Variants in KATNAL2 observed in about 807,000 individuals in gnomAD.
KATNAL2 encodes katanin catalytic subunit A1 like 2, also known as katanin p60 ATPase-containing subunit A-like 2.
In KATNAL2, 52 loss-of-function variants were observed where a neutral mutation model predicts 76.3. The observed-to-expected ratio is 0.68, with a 90% CI of 0.55 to 0.86. The LOEUF (loss-of-function observed/expected upper bound fraction) is 0.86. Among genes scored for constraint, KATNAL2 ranks in the 40% least tolerant of loss-of-function variants. The pLI is 0.00. For missense variants in KATNAL2, 660 were observed against 668.9 expected, an observed-to-expected ratio of 0.99 and a Z score of 0.15; for synonymous variants, 243 against 244.2, an observed-to-expected ratio of 1.00 and a Z score of 0.05.
At chr18:46,947,020 G>T in intron 3 of KATNAL2, 97 bp downstream of exon 3, 1 of 886,260 alleles carries the variant, frequency 1.1e-6, no homozygotes, top group Non-Finnish European at 1.8e-6. Context: ...TGGCGACAGA[G>T]TCCGCTACTA....
chr18:47,061,035 TA>T (rs1390222671), intron 8 of KATNAL2, among the ~76,000 whole-genome samples: 1 of 152,200 alleles, frequency 6.6e-6, no homozygotes, highest in East Asian at 1.9e-4. Flanking sequence ...TAAATCCTCT[TA>T]CCAGCAGAAA....
chr18:47,032,813 C>G (rs568463304), intron 3 of KATNAL2: 2 of 1,015,910 alleles, frequency 2.0e-6, no homozygotes, highest in East Asian at 5.2e-5. Flanking sequence ...GTTCTCCAAG[C>G]TGGGAGGTAG....
chr18:47,083,943 G>A (rs1351025645), intron 15 of KATNAL2, among the ~76,000 whole-genome samples: 2 of 152,224 alleles, frequency 1.3e-5, no homozygotes, highest in Admixed American at 1.3e-4. Context: ...CTTGCTGTTT[G>A]TAAAAGGGCT....
At chr18:47,058,129 CT>C (rs1438509630) in intron 6 of KATNAL2, 105 bp from the exon 7 acceptor site, 2 of 810,144 alleles carry the variant, frequency 2.5e-6, no homozygotes, top group African/African-American at 1.7e-5. Flanking sequence ...ACCTGCATAT[CT>C]TTCAATAGCT....
chr18:46,945,633 A>G (rs992276837), intron 1 of KATNAL2, among the ~76,000 whole-genome samples: 3 of 152,230 alleles, frequency 2.0e-5, no homozygotes, highest in African/African-American at 7.2e-5. Flanking sequence ...ATCTAGAACT[A>G]CTTATTAATA....
At chr18:47,072,609 C>A (rs2062046255) in intron 13 of KATNAL2, among the ~76,000 whole-genome samples, 1 of 152,136 alleles carries the variant, frequency 6.6e-6, no homozygotes, top group Non-Finnish European at 1.5e-5. Flanking sequence ...CCAAGCCCAG[C>A]TAATTTTTGT....
intron 3 of KATNAL2, among the ~76,000 whole-genome samples, chr18:46,960,781 T>A (rs914184997): frequency 1.3e-5 from 2 of 152,176 alleles, no homozygotes; most frequent in Non-Finnish European, 2.9e-5. Context: ...ATCCCTTACC[T>A]AACAAAGCTT....
intron 3 of KATNAL2, among the ~76,000 whole-genome samples, chr18:46,959,166 A>C (rs925866833): frequency 5.9e-5 from 9 of 152,264 alleles, no homozygotes; most frequent in Non-Finnish European, 1.2e-4. Flanking sequence ...CATCTATTGA[A>C]ATACCAATAG....
intron 15 of KATNAL2, among the ~76,000 whole-genome samples, chr18:47,089,500 G>C (rs1203527288): frequency 6.6e-6 from 1 of 152,104 alleles, no homozygotes; most frequent in Non-Finnish European, 1.5e-5. Flanking sequence ...CCAAACATCA[G>C]TAGGACATAA....
At chr18:46,961,599 T>C (rs2059956308) in intron 3 of KATNAL2, among the ~76,000 whole-genome samples, 1 of 152,234 alleles carries the variant, frequency 6.6e-6, no homozygotes, top group Admixed American at 6.5e-5. Context: ...ATTTTTCAAA[T>C]ACAGACATAG....
chr18:47,079,938 C>G (rs72903283), intron 15 of KATNAL2, among the ~76,000 whole-genome samples: 2 of 152,056 alleles, frequency 1.3e-5, no homozygotes, highest in Non-Finnish European at 2.9e-5. Flanking sequence ...GATTGATCAC[C>G]GGGTTCAGGT....
intron 1 of KATNAL2, among the ~76,000 whole-genome samples, chr18:46,926,021 T>G (rs376569411): frequency 1.3e-5 from 2 of 152,278 alleles, no homozygotes; most frequent in Admixed American, 6.5e-5. Context: ...TTTGTTGATC[T>G]TTTCAAAAAA....
rs929710953 is a variant in KATNAL2, at chr18:46,946,431, A to T, written c.-135A>T. ...TCAAAGAAAAGCAGAATAGATTTCC[A>T]AACCTTTACCCTAATCCAGGGAGGA... On this transcript the variant is annotated 5_prime_UTR_variant, in exon 2 of 18. Transcript: ENST00000683218. 6 of 985,364 alleles carry T rather than the reference A, an allele frequency of 6.1e-6. No individual in the cohort carries two copies. The African/African-American group carries it at 1.0e-4, about 17-fold the overall frequency. The allele number at this position is 985,364 out of a possible 1,614,324, so 61.0% of individuals were successfully genotyped here.
intron 3 of KATNAL2, among the ~76,000 whole-genome samples, chr18:46,947,619 A>G (rs569056381): frequency 8.5e-5 from 13 of 152,276 alleles, no homozygotes; most frequent in Non-Finnish European, 1.8e-4. Context: ...GTTAAAAAAT[A>G]CTTCTACCTG....
intron 3 of KATNAL2, among the ~76,000 whole-genome samples, chr18:46,955,404 A>G (rs1461811026): frequency 1.3e-5 from 2 of 150,240 alleles, no homozygotes; most frequent in Non-Finnish European, 3.0e-5. Flanking sequence ...TTTTTTTTTA[A>G]GTAGAGACGG....
chr18:47,092,041 G>T (rs1205959739), intron 15 of KATNAL2, among the ~76,000 whole-genome samples: 1 of 152,074 alleles, frequency 6.6e-6, no homozygotes, highest in Non-Finnish European at 1.5e-5. Context: ...CACATGCCAA[G>T]GCCCAACCCT....
chr18:47,074,274 G>A (rs1398935570), intron 13 of KATNAL2, among the ~76,000 whole-genome samples: 2 of 152,234 alleles, frequency 1.3e-5, no homozygotes, highest in African/African-American at 4.8e-5. Context: ...CCCACGAGCA[G>A]TGGGGAAGGT....
At chr18:46,924,635 G>A (rs1053507338) in intron 1 of KATNAL2, among the ~76,000 whole-genome samples, 9 of 152,092 alleles carry the variant, frequency 5.9e-5, no homozygotes, top group African/African-American at 2.2e-4. Context: ...TAGCTTGATG[G>A]GGAAGGCATT....
chr18:47,088,368 C>T (rs1459078182), intron 15 of KATNAL2, among the ~76,000 whole-genome samples: 3 of 152,106 alleles, frequency 2.0e-5, no homozygotes, highest in African/African-American at 7.2e-5. Context: ...GTATTATATC[C>T]AGGGATTTTT....
Sources: gnomAD v4.1 joint callset for allele counts (sites outside exome capture counted in the v4.1 genomes callset) on GRCh38, gnomAD v4.1.1 for gene constraint, MANE v1.5 for transcripts, NCBI Gene and HGNC (gene_info 2026-07-23, HGNC 2026-07-21) for gene names.